Variants in STX11 observed in about 807,000 individuals in gnomAD.
The protein encoded by STX11 is syntaxin 11, also known as syntaxin-11.
Under a neutral mutation model 19.9 loss-of-function variants are expected in STX11, and 21 were observed. That is an observed-to-expected ratio of 1.06 (90% CI 0.75 to 1.52). The LOEUF (loss-of-function observed/expected upper bound fraction) is 1.52. STX11 is among the 40% of genes most tolerant of loss of function. The pLI is 0.00. For missense variants in STX11, 438 were observed against 405.9 expected (o/e 1.08, Z -0.68); for synonymous variants, 193 against 174.4 (o/e 1.11, Z -0.84).
chr6:144,156,007 TTTCTTTCTCTCTTTCTC>T lies in STX11; in HGVS notation c.-6+5306_-6+5322del, dbSNP rs1562655568. ...CTTTCTTTCTTTCTTTCTTTCTTTCTTTCTTTCTCTCTTTCTCTCCTTCCTTCCTTCCTTCCTTCCTT... is the reference window on the plus strand; with the variant it reads ...CTTTCTTTCTTTCTTTCTTTCTTTCTTCCTTCCTTCCTTCCTTCCTTCCTT... On this transcript the variant is annotated intron_variant, in intron 1 of 1. Coordinates refer to ENST00000367568, the MANE Select transcript of STX11 (RefSeq NM_003764.4). Among the ~76,000 whole-genome samples the T allele has an allele frequency of 3.3e-4, 39 of 119,812 alleles. 1 individual carries two copies. In the East Asian group the frequency reaches 5.9e-3, roughly 18 times the overall value. The allele number at this position is 119,812 out of a possible 152,430, so 78.6% of individuals were successfully genotyped here.
rs1801586186 is a variant in STX11 at position 144,169,971 on chromosome 6, C to T, written c.-5-16652C>T. On this transcript the variant is annotated intron_variant, in intron 1 of 1. Coordinates refer to ENST00000367568, the MANE Select transcript of STX11 (RefSeq NM_003764.4). This position sits in a 1 kb window ranked among gnomAD's most constrained non-coding sequence, Gnocchi z 5.2. ...GAGATTACAGGTGTGAGCCACCATG[C>T]ATGGAGTGTTTACTATTTTTTAACT... is the stretch of plus-strand genomic sequence containing the variant. 6.6e-6 allele frequency among the ~76,000 whole-genome samples: 1 copy of T among 152,196 alleles called. No individual in the cohort carries two copies. The highest frequency in any genetic ancestry group is 2.1e-4 in the South Asian group (1 of 4,838).
chr6:144,178,839 C>CT (rs571217730), intron 1 of STX11, among the ~76,000 whole-genome samples: 51,323 of 148,196 alleles, frequency 0.35, 8,793 homozygotes, highest in Non-Finnish European at 0.39. Context: ...ACGATACAAG[C>CT]TTTTTTTTTT....
At chr6:144,185,901 C>CT (rs1397275933) in intron 1 of STX11, among the ~76,000 whole-genome samples, 1 of 151,998 alleles carries the variant, frequency 6.6e-6, no homozygotes, top group Non-Finnish European at 1.5e-5. Context: ...TGCATGGTAA[C>CT]TGTTTTAAGA....
intron 1 of STX11, among the ~76,000 whole-genome samples, chr6:144,185,061 C>T (rs1336742518): frequency 6.6e-6 from 1 of 152,064 alleles, no homozygotes; most frequent in African/African-American, 2.4e-5. Flanking sequence ...CTTCCCCATC[C>T]GTGAGAAGGT....
At position 144,182,834 on chromosome 6, in the gene STX11, A is replaced by G. The variant is rs2128755137; in HGVS notation, c.-5-3789A>G. Among the ~76,000 whole-genome samples the G allele has an allele frequency of 6.6e-6, 1 of 152,320 alleles. No individual in the cohort carries two copies. Among genetic ancestry groups the G allele is most frequent in the South Asian group, 2.1e-4 (1 of 4,824 alleles). On this transcript the variant is annotated intron_variant, in intron 1 of 1. Transcript: ENST00000367568. The surrounding 1 kb of genome is among the most constrained non-coding windows in gnomAD (Gnocchi z 4.8). ...GGCTTGGCCAACATGTAAGGAAGGA[A>G]GGCATCTCTCACCTATTCTTGCCTT...
Position 144,174,374 on chromosome 6 carries a change from A to G in STX11, c.-5-12249A>G, listed in dbSNP as rs1046803283. On this transcript the variant is annotated intron_variant, in intron 1 of 1. Transcript: ENST00000367568. The surrounding 1 kb of genome is among the most constrained non-coding windows in gnomAD (Gnocchi z 5.3). ...TTGTAGTAAGAAGATTTTTATTTTT[A>G]TTTTATTTTTATTTTGAGACAGGGT... 6.6e-6 allele frequency among the ~76,000 whole-genome samples: 1 copy of G among 151,962 alleles called. No homozygotes were observed. Among genetic ancestry groups the G allele is most frequent in the Admixed American group, 6.6e-5 (1 of 15,258 alleles).
chr6:144,155,522 T>C lies in STX11; in HGVS notation c.-6+4819T>C, dbSNP rs1038670206. Among the ~76,000 whole-genome samples, 1 of 152,222 alleles carries C rather than the reference T, an allele frequency of 6.6e-6. No homozygotes were observed. The highest frequency in any genetic ancestry group is 1.5e-5 in the Non-Finnish European group (1 of 68,030). On this transcript the variant is annotated intron_variant, in intron 1 of 1. Transcript: ENST00000367568. This position sits in a 1 kb window ranked among gnomAD's most constrained non-coding sequence, Gnocchi z 4.5. ...CGCAGGGTAATAGAGCCCACATGTCTACCCCTTGGCCTGAGCTTTTATGTG... is the reference window on the plus strand; with the variant it reads ...CGCAGGGTAATAGAGCCCACATGTCCACCCCTTGGCCTGAGCTTTTATGTG...
chr6:144,171,463 G>A (rs1379636835), intron 1 of STX11, among the ~76,000 whole-genome samples: 1 of 152,124 alleles, frequency 6.6e-6, no homozygotes, highest in African/African-American at 2.4e-5. Context: ...CCTACATACT[G>A]TTTATTTTGG....
At position 144,170,089 on chromosome 6, in the gene STX11, T is replaced by C. The variant is rs1801590231; in HGVS notation, c.-5-16534T>C. Among the ~76,000 whole-genome samples, 1 of 152,234 alleles carries C rather than the reference T, an allele frequency of 6.6e-6. No homozygotes were observed. The highest frequency in any genetic ancestry group is 2.1e-4 in the South Asian group (1 of 4,836). On this transcript the variant is annotated intron_variant, in intron 1 of 1. Coordinates refer to ENST00000367568, the MANE Select transcript of STX11 (RefSeq NM_003764.4). The surrounding 1 kb of genome is among the most constrained non-coding windows in gnomAD (Gnocchi z 4.7). ...AAGGTGGTCATTCCAACACCATATT[T>C]TTCTGTCTGGTTTCTCCAATAGCTT...
At chr6:144,145,587 T>C (rs1800858152), upstream of STX11, among the ~76,000 whole-genome samples, 1 of 152,238 alleles carries the variant, frequency 6.6e-6, no homozygotes, top group Non-Finnish European at 1.5e-5. Flanking sequence ...GAAGGAAATC[T>C]TGTCATTGTG....
chr6:144,168,314 T>G (rs980776747), intron 1 of STX11, among the ~76,000 whole-genome samples: 2 of 152,242 alleles, frequency 1.3e-5, no homozygotes, highest in Non-Finnish European at 2.9e-5. Flanking sequence ...ACATCATTTC[T>G]TATTCTGTTA....
rs902359014 is a variant in STX11 at position 144,170,174 on chromosome 6, T to C, written c.-5-16449T>C. ...CCCTTTTTCTTGTCACTGTTACTCA[T>C]AGAAGTATCTGCAGGCCTTTTTGAA... is the stretch of plus-strand genomic sequence containing the variant. On this transcript the variant is annotated intron_variant, in intron 1 of 1. Coordinates refer to ENST00000367568, the MANE Select transcript of STX11 (RefSeq NM_003764.4). This position sits in a 1 kb window ranked among gnomAD's most constrained non-coding sequence, Gnocchi z 4.7. 4.6e-5 allele frequency among the ~76,000 whole-genome samples: 7 copies of C among 152,186 alleles called. No homozygotes were observed. Among genetic ancestry groups the C allele is most frequent in the Admixed American group, 4.6e-4 (7 of 15,276 alleles).
In STX11 at chr6:144,189,213, G is replaced by C. The variant is rs1198259692; in HGVS notation, c.*1722G>C. ...AATTTTTGTATTTTCTGTAGAGACAGGGTTTGCCATGTGGCCCAGGCTGGT... is the reference window on the plus strand; with the variant it reads ...AATTTTTGTATTTTCTGTAGAGACACGGTTTGCCATGTGGCCCAGGCTGGT... On this transcript the variant is annotated 3_prime_UTR_variant, in exon 2 of 2. Coordinates refer to ENST00000367568, the MANE Select transcript of STX11 (RefSeq NM_003764.4). 6.6e-6 allele frequency among the ~76,000 whole-genome samples: 1 copy of C among 152,162 alleles called. No individual in the cohort carries two copies. Among genetic ancestry groups the C allele is most frequent in the Admixed American group, 6.5e-5 (1 of 15,284 alleles).
At chr6:144,145,835 T>C (rs1380789457), upstream of STX11, among the ~76,000 whole-genome samples, 1 of 152,096 alleles carries the variant, frequency 6.6e-6, no homozygotes, top group Non-Finnish European at 1.5e-5. Context: ...GTTTAATGGG[T>C]GCAAAGTTTT....
chr6:144,187,742 C>T lies in STX11; in HGVS notation c.*251C>T, dbSNP rs1405865006. 6.7e-6 allele frequency: 4 copies of T among 600,570 alleles called. No homozygotes were observed. The highest frequency in any genetic ancestry group is 2.9e-5 in the East Asian group (1 of 34,580). The allele number at this position is 600,570 out of a possible 1,614,324, so 37.2% of individuals were successfully genotyped here. A position where few individuals can be genotyped will look rare whatever the true frequency, so the allele number is the denominator to read the frequency against. Reference sequence around the variant, plus strand: ...GTTGTGCAATGTCATTATATGACACCTTGCACTCTTACCGTCTTGACAGAA... The same window carrying T: ...GTTGTGCAATGTCATTATATGACACTTTGCACTCTTACCGTCTTGACAGAA... On this transcript the variant is annotated 3_prime_UTR_variant, in exon 2 of 2. Transcript: ENST00000367568. The surrounding 1 kb of genome is among the most constrained non-coding windows in gnomAD (Gnocchi z 5.6).
chr6:144,191,272 G>A lies in STX11; in HGVS notation c.*3781G>A, dbSNP rs1011470126. 2.8e-5 allele frequency among the ~76,000 whole-genome samples: 4 copies of A among 143,606 alleles called. No individual in the cohort carries two copies. The highest frequency in any genetic ancestry group is 2.3e-4 in the South Asian group (1 of 4,292). The allele number at this position is 143,606 out of a possible 152,430, so 94.2% of individuals were successfully genotyped here. ...GAAAGGTGCTCATCTAGTATGCATC[G>A]GTATCCAGGATAATATGAGTTAGAA... On this transcript the variant is annotated 3_prime_UTR_variant, in exon 2 of 2. Coordinates refer to ENST00000367568, the MANE Select transcript of STX11 (RefSeq NM_003764.4).
Position 144,191,902 on chromosome 6 carries a change from G to A in STX11, c.*4411G>A, listed in dbSNP as rs1802214474. On this transcript the variant is annotated 3_prime_UTR_variant, in exon 2 of 2. Coordinates refer to ENST00000367568, the MANE Select transcript of STX11 (RefSeq NM_003764.4). ...CTTATATACTAGAAGCTTTTGTAAA[G>A]TCATGTGTCTATTGATAATAAAGAT... 2.0e-5 allele frequency among the ~76,000 whole-genome samples: 3 copies of A among 152,212 alleles called. No homozygotes were observed. Among genetic ancestry groups the A allele is most frequent in the African/African-American group, 7.2e-5 (3 of 41,460 alleles).
Position 144,163,295 on chromosome 6 carries a change from A to G in STX11, c.-6+12592A>G, listed in dbSNP as rs573590601. Among the ~76,000 whole-genome samples the G allele has an allele frequency of 2.2e-4, 33 of 152,266 alleles. No homozygotes were observed. In the East Asian group the frequency reaches 6.4e-3, roughly 29 times the overall value. On this transcript the variant is annotated intron_variant, in intron 1 of 1. Coordinates refer to ENST00000367568, the MANE Select transcript of STX11 (RefSeq NM_003764.4). ...TTTTTTTAAAAATGCTTTATGGGCT[A>G]GGCGTCATGGCTTATGCCTGTAATT... is the stretch of plus-strand genomic sequence containing the variant.
At chr6:144,149,976 T>A (rs1454966869), upstream of STX11, among the ~76,000 whole-genome samples, 1 of 150,880 alleles carries the variant, frequency 6.6e-6, no homozygotes, top group Non-Finnish European at 1.5e-5. The surrounding 1 kb of genome is among the most constrained non-coding windows in gnomAD (Gnocchi z 5.1). Context: ...ATCCAGAGAA[T>A]GATGAGCCCG....
Sources: gnomAD v4.1 joint callset for allele counts (sites outside exome capture counted in the v4.1 genomes callset) on GRCh38, gnomAD v4.1.1 for gene constraint, Gnocchi (gnomAD v3.1) non-coding constraint, MANE v1.5 for transcripts, NCBI Gene and HGNC (gene_info 2026-07-23, HGNC 2026-07-21) for gene names.